NAALADL2: variants seen among roughly 807,000 people sequenced by gnomAD.
NAALADL2 encodes the protein N-acetylated alpha-linked acidic dipeptidase like 2.
A neutral mutation model predicts 87.2 loss-of-function variants in NAALADL2; 76 were observed. That is an observed-to-expected ratio of 0.87 (90% CI 0.72 to 1.05). The LOEUF (loss-of-function observed/expected upper bound fraction) is 1.05. Ranked by LOEUF, NAALADL2 falls within the 50% of genes least tolerant of loss-of-function variation. NAALADL2 has a pLI of 0.00. For missense variants in NAALADL2, 1,089 were observed against 945.8 expected, an observed-to-expected ratio of 1.15 and a Z score of -1.99; for synonymous variants, 354 against 331.0, an observed-to-expected ratio of 1.07 and a Z score of -0.75.
chr3:175,654,758 A>G (rs1731221673), intron 11 of NAALADL2, among the ~76,000 whole-genome samples: 1 of 152,146 alleles, frequency 6.6e-6, no homozygotes, highest in South Asian at 2.1e-4. Flanking sequence ...CACAGGCTTC[A>G]TTGTGTGATA....
At chr3:174,606,282 C>T (rs1017691184) in intron 2 of NAALADL2, among the ~76,000 whole-genome samples, 9 of 152,328 alleles carry the variant, frequency 5.9e-5, no homozygotes, top group East Asian at 3.9e-4. Flanking sequence ...TGCAAAGGAA[C>T]GCAGTTCCTC....
rs576966978 is a variant in NAALADL2 at position 175,139,785 on chromosome 3, TAAA to T, written c.545+42499_545+42501del. On this transcript the variant is annotated intron_variant, in intron 2 of 13. Transcript: ENST00000454872. ...TTTCTCTACAGTAAAAAGCATTTCT[TAAA>T]AAAATTATGCATTGCAAATTAGTTT... Among the ~76,000 whole-genome samples the T allele has an allele frequency of 2.1e-4, 32 of 152,286 alleles. No homozygotes were observed. In the South Asian group the frequency reaches 6.0e-3, roughly 29 times the overall value.
intron 1 of NAALADL2, among the ~76,000 whole-genome samples, chr3:174,509,337 G>A (rs550936571): frequency 6.0e-5 from 9 of 150,986 alleles, no homozygotes; most frequent in East Asian, 2.0e-4. Flanking sequence ...TTAAATAATG[G>A]CAATTTATTT....
At chr3:175,799,263 A>AT (rs1350153889) in intron 13 of NAALADL2, among the ~76,000 whole-genome samples, 1 of 152,048 alleles carries the variant, frequency 6.6e-6, no homozygotes, top group Non-Finnish European at 1.5e-5. Context: ...AAAATGATTA[A>AT]TTTTTTAATT....
At chr3:175,244,948 A>G (rs1232204153) in intron 3 of NAALADL2, among the ~76,000 whole-genome samples, 1 of 152,190 alleles carries the variant, frequency 6.6e-6, no homozygotes, top group Non-Finnish European at 1.5e-5. Context: ...AGTAAGCAGT[A>G]GGAAAGGGAC....
chr3:175,184,653 A>C (rs1737068382), intron 2 of NAALADL2, among the ~76,000 whole-genome samples: 1 of 152,018 alleles, frequency 6.6e-6, no homozygotes, highest in Non-Finnish European at 1.5e-5. Flanking sequence ...AGATTTTTGT[A>C]GTTAATGCTT....
intron 1 of NAALADL2, among the ~76,000 whole-genome samples, chr3:175,036,942 C>T (rs1369082439): frequency 6.6e-6 from 1 of 151,744 alleles, no homozygotes; most frequent in Non-Finnish European, 1.5e-5. Context: ...ACAGTCACTC[C>T]TCCTACATGC....
At chr3:175,008,373 C>T (rs1428943381) in intron 1 of NAALADL2, among the ~76,000 whole-genome samples, 1 of 152,074 alleles carries the variant, frequency 6.6e-6, no homozygotes, top group Non-Finnish European at 1.5e-5. Context: ...CGAGTGAGAC[C>T]TCGTTTCTAA....
At chr3:175,708,076 CAAG>C (rs1441404239) in intron 11 of NAALADL2, among the ~76,000 whole-genome samples, 1 of 151,864 alleles carries the variant, frequency 6.6e-6, no homozygotes, top group Non-Finnish European at 1.5e-5. Context: ...CCAGAAGTGA[CAAG>C]GAGTTGGCCC....
chr3:174,955,446 G>A (rs1355050021), intron 1 of NAALADL2, among the ~76,000 whole-genome samples: 1 of 152,050 alleles, frequency 6.6e-6, no homozygotes, highest in Admixed American at 6.6e-5. Context: ...TTGGAAAGCA[G>A]TGAAAGGTTT....
chr3:175,525,741 A>G lies in NAALADL2; in HGVS notation c.1654-50300A>G, dbSNP rs942389268. On this transcript the variant is annotated intron_variant, in intron 9 of 13. Coordinates refer to ENST00000454872, the MANE Select transcript of NAALADL2 (RefSeq NM_207015.3). Reference sequence around the variant, plus strand: ...AAATGTTTTCCTATAACATTTGACTATAGAACACCTAATTAAAAAGATGTC... The same window carrying G: ...AAATGTTTTCCTATAACATTTGACTGTAGAACACCTAATTAAAAAGATGTC... Among the ~76,000 whole-genome samples, 3 of 152,266 alleles carry G rather than the reference A, an allele frequency of 2.0e-5. No homozygotes were observed. The South Asian group carries it at 6.2e-4, about 32-fold the overall frequency.
chr3:175,314,690 A>ATATATATAGTTCTAAC lies in NAALADL2; in HGVS notation c.940-9477_940-9476insGTTCTAACTATATATA, dbSNP rs1553857557. Among the ~76,000 whole-genome samples, 38 of 51,470 alleles carry ATATATATAGTTCTAAC rather than the reference A, an allele frequency of 7.4e-4. 1 individual carries two copies. The highest frequency in any genetic ancestry group is 2.7e-3 in the African/African-American group (34 of 12,492). The allele number at this position is 51,470 out of a possible 152,430, so 33.8% of individuals were successfully genotyped here. On this transcript the variant is annotated intron_variant, in intron 4 of 13. Coordinates refer to ENST00000454872, the MANE Select transcript of NAALADL2 (RefSeq NM_207015.3). ...ACTATATATATATATATATATATAT[A>ATATATATAGTTCTAAC]TATATATATATATATATATATATAT...
chr3:174,972,496 C>A (rs1743825399), intron 1 of NAALADL2, among the ~76,000 whole-genome samples: 1 of 152,114 alleles, frequency 6.6e-6, no homozygotes, highest in Non-Finnish European at 1.5e-5. Flanking sequence ...ACACCTGCAT[C>A]CTTGATATCT....
intron 11 of NAALADL2, among the ~76,000 whole-genome samples, chr3:175,684,008 A>T (rs976395144): frequency 6.6e-6 from 1 of 152,114 alleles, no homozygotes; most frequent in African/African-American, 2.4e-5. Context: ...AACATTACAC[A>T]CTTGGAAATT....
rs553219689 is a variant in NAALADL2, at chr3:174,508,754, T to A, written c.-183-41815T>A. Among the ~76,000 whole-genome samples the A allele has an allele frequency of 2.9e-4, 44 of 152,270 alleles. 1 individual carries two copies. The highest frequency in any genetic ancestry group is 9.1e-4 in the African/African-American group (38 of 41,566). On this transcript the variant is annotated intron_variant, in intron 1 of 3. Coordinates refer to the NAALADL2 transcript ENST00000434257. ...GTCATTTGAAGTGGCACTTAAAAAA[T>A]TTTTAATTTCTGGCTGGGCGCAGTG...
rs546024840 is a variant in NAALADL2, at chr3:175,559,047, T to C, written c.1654-16994T>C. Among the ~76,000 whole-genome samples the C allele has an allele frequency of 1.2e-4, 19 of 152,252 alleles. 1 individual carries two copies. The highest frequency in any genetic ancestry group is 1.0e-3 in the South Asian group (5 of 4,832). On this transcript the variant is annotated intron_variant, in intron 9 of 13. Coordinates refer to ENST00000454872, the MANE Select transcript of NAALADL2 (RefSeq NM_207015.3). The stretch of plus-strand genomic sequence containing the variant: ...GACATTTTAACAATATTGATTTTTT[T>C]CAATATATGAACATGGAATATCTTT...
At chr3:174,703,524 A>G (rs959945628) in intron 2 of NAALADL2, among the ~76,000 whole-genome samples, 1 of 152,154 alleles carries the variant, frequency 6.6e-6, no homozygotes, top group African/African-American at 2.4e-5. Context: ...CAGACATGAT[A>G]ATAAGTGGGT....
At chr3:175,638,568 C>G (rs952312364) in intron 11 of NAALADL2, among the ~76,000 whole-genome samples, 11 of 152,064 alleles carry the variant, frequency 7.2e-5, no homozygotes, top group Non-Finnish European at 1.6e-4. Flanking sequence ...AGAGTTGGCC[C>G]AAGATGACTG....
In NAALADL2 at chr3:174,695,315, C is replaced by G. The variant is rs1728920295; in HGVS notation, c.-114-42326C>G. On this transcript the variant is annotated intron_variant, in intron 2 of 3. Transcript: ENST00000434257. ...ACAAAATAGGCAGCATACTTAGAAC[C>G]ACCAATGGCAGATGAAATAGTAGAT... Among the ~76,000 whole-genome samples, 3 of 151,832 alleles carry G rather than the reference C, an allele frequency of 2.0e-5. No homozygotes were observed. The South Asian group carries it at 6.2e-4, about 32-fold the overall frequency.
Sources: gnomAD v4.1 joint callset for allele counts (sites outside exome capture counted in the v4.1 genomes callset) on GRCh38, gnomAD v4.1.1 for gene constraint, MANE v1.5 for transcripts, NCBI Gene and HGNC (gene_info 2026-07-23, HGNC 2026-07-21) for gene names.